The following RALYL variants were observed in gnomAD, a reference collection of about 807,000 sequenced individuals.
The protein encoded by RALYL is RALY RNA binding protein like.
In RALYL, 29 loss-of-function variants were observed where a neutral mutation model predicts 35.1. The observed-to-expected ratio is 0.83, with a 90% CI of 0.61 to 1.13. The LOEUF is 1.13. Among genes scored for constraint, RALYL ranks in the 50% most tolerant of loss-of-function variants. The pLI is 0.00. For synonymous variants in RALYL, 120 were observed against 127.6 expected, an observed-to-expected ratio of 0.94 and a Z score of 0.40; for missense variants, 359 against 360.4, an observed-to-expected ratio of 1.00 and a Z score of 0.03.
At chr8:84,414,792 C>T (rs1388137612) in intron 1 of RALYL, among the ~76,000 whole-genome samples, 1 of 151,600 alleles carries the variant, frequency 6.6e-6, no homozygotes, top group Non-Finnish European at 1.5e-5. Flanking sequence ...AAATATTGTT[C>T]TAAAAGAGAC....
At chr8:84,272,208 T>C (rs1021809341) in intron 1 of RALYL, among the ~76,000 whole-genome samples, 2 of 152,168 alleles carry the variant, frequency 1.3e-5, no homozygotes, top group Non-Finnish European at 2.9e-5. Context: ...TTCTCCTGCC[T>C]CAGCCTCCTG....
intron 2 of RALYL, among the ~76,000 whole-genome samples, chr8:84,728,873 T>A (rs1190404125): frequency 6.6e-6 from 1 of 152,226 alleles, no homozygotes; most frequent in Non-Finnish European, 1.5e-5. Flanking sequence ...TTTTGGTTAC[T>A]GTAGCCTTGT....
intron 2 of RALYL, among the ~76,000 whole-genome samples, chr8:84,703,466 T>G (rs752949066): frequency 2.0e-4 from 31 of 152,106 alleles, no homozygotes; most frequent in Non-Finnish European, 4.6e-4. Flanking sequence ...GATTTTAAGG[T>G]GTATAGGTGT....
At chr8:84,682,451 C>A (rs1835765420) in intron 2 of RALYL, among the ~76,000 whole-genome samples, 1 of 152,162 alleles carries the variant, frequency 6.6e-6, no homozygotes, top group South Asian at 2.1e-4. Flanking sequence ...TAGAATTCGG[C>A]TGCGAATCCA....
intron 1 of RALYL, among the ~76,000 whole-genome samples, chr8:84,216,030 A>G (rs1820726434): frequency 6.6e-6 from 1 of 152,150 alleles, no homozygotes; most frequent in African/African-American, 2.4e-5. Context: ...TGATAACTTC[A>G]GTAAACAATG....
At chr8:84,586,575 G>T (rs1476208593) in intron 2 of RALYL, among the ~76,000 whole-genome samples, 5 of 152,148 alleles carry the variant, frequency 3.3e-5, no homozygotes, top group Non-Finnish European at 7.4e-5. Context: ...TACAATTTGA[G>T]TGACTGATAC....
chr8:84,242,102 G>A (rs939801135), intron 1 of RALYL, among the ~76,000 whole-genome samples: 3 of 152,140 alleles, frequency 2.0e-5, no homozygotes, highest in African/African-American at 7.2e-5. Context: ...AACATACAGT[G>A]TTTGGATTTC....
chr8:84,740,552 T>C (rs1486211876), intron 2 of RALYL, among the ~76,000 whole-genome samples: 1 of 152,054 alleles, frequency 6.6e-6, no homozygotes, highest in East Asian at 1.9e-4. Flanking sequence ...ATCTACCTTC[T>C]GAAAGTTTTA....
chr8:84,720,862 A>G (rs1843765994), intron 2 of RALYL, among the ~76,000 whole-genome samples: 1 of 152,162 alleles, frequency 6.6e-6, no homozygotes, highest in Non-Finnish European at 1.5e-5. Context: ...GAGACATACA[A>G]ACGGATAGCA....
At chr8:84,288,391 A>AT (rs1838086499) in intron 1 of RALYL, among the ~76,000 whole-genome samples, 1 of 151,714 alleles carries the variant, frequency 6.6e-6, no homozygotes, top group African/African-American at 2.4e-5. Context: ...ATCATTGCCG[A>AT]TTTTCTCTTC....
At chr8:84,650,036 T>A (rs1385021846) in intron 2 of RALYL, among the ~76,000 whole-genome samples, 1 of 152,114 alleles carries the variant, frequency 6.6e-6, no homozygotes, top group Non-Finnish European at 1.5e-5. Context: ...TTATTCTCTT[T>A]GAAGCAATTG....
At chr8:84,907,738 C>T (rs762998756) in intron 8 of RALYL, among the ~76,000 whole-genome samples, 2 of 151,890 alleles carry the variant, frequency 1.3e-5, no homozygotes, top group African/African-American at 4.8e-5. Context: ...ATTAAATTAC[C>T]TCATTATTTA....
At chr8:84,199,191 C>T (rs1480706900) in intron 1 of RALYL, among the ~76,000 whole-genome samples, 1 of 152,074 alleles carries the variant, frequency 6.6e-6, no homozygotes, top group Non-Finnish European at 1.5e-5. Context: ...AGTCATTTTA[C>T]CTGGGATGAG....
intron 1 of RALYL, among the ~76,000 whole-genome samples, chr8:84,384,324 G>T (rs1241889572): frequency 6.6e-6 from 1 of 151,650 alleles, no homozygotes; most frequent in African/African-American, 2.4e-5. Flanking sequence ...TCATCATTAT[G>T]ATTATACTGT....
intron 2 of RALYL, among the ~76,000 whole-genome samples, chr8:84,601,958 C>T (rs1206164062): frequency 6.6e-6 from 1 of 152,062 alleles, no homozygotes; most frequent in Non-Finnish European, 1.5e-5. Context: ...TCTCTGTAGA[C>T]TGTTCTTTCA....
chr8:84,845,110 A>G (rs1460520924), intron 4 of RALYL, among the ~76,000 whole-genome samples: 1 of 152,186 alleles, frequency 6.6e-6, no homozygotes, highest in African/African-American at 2.4e-5. Flanking sequence ...CTAAAACTTA[A>G]AGCATAATAA....
At chr8:84,271,669 G>T (rs1427999212) in intron 1 of RALYL, among the ~76,000 whole-genome samples, 1 of 151,914 alleles carries the variant, frequency 6.6e-6, no homozygotes, top group African/African-American at 2.4e-5. Context: ...TAAATGGAAT[G>T]AATCACTGAC....
At chr8:84,730,950 G>A (rs1010872583) in intron 2 of RALYL, among the ~76,000 whole-genome samples, 8 of 152,008 alleles carry the variant, frequency 5.3e-5, no homozygotes, top group African/African-American at 1.7e-4. Flanking sequence ...AGAAAGAGGA[G>A]GAGGAGAAAG....
At chr8:84,646,149 A>T (rs146720910) in intron 2 of RALYL, among the ~76,000 whole-genome samples, 1,936 of 151,982 alleles carry the variant, frequency 0.013, 17 homozygotes, top group Non-Finnish European at 0.02. Flanking sequence ...CATTTCAAGC[A>T]TCTTCTCTCT....
Sources: allele counts gnomAD v4.1 joint callset (sites outside exome capture counted in the v4.1 genomes callset), GRCh38; gene constraint gnomAD v4.1.1; transcripts MANE v1.5; gene names NCBI Gene and HGNC (gene_info 2026-07-23, HGNC 2026-07-21).